PLEKHA1: variants seen among roughly 807,000 people sequenced by gnomAD.
The protein encoded by PLEKHA1 is pleckstrin homology domain containing A1.
PLEKHA1 carries 34 observed loss-of-function variants against 52.0 expected under a neutral mutation model. The observed-to-expected ratio is 0.65, with a 90% CI of 0.50 to 0.87. The LOEUF is 0.87. Among genes scored for constraint, PLEKHA1 ranks in the 40% least tolerant of loss-of-function variants. The pLI is 0.00. For synonymous variants in PLEKHA1, 163 were observed against 170.7 expected (o/e 0.95, Z 0.35); for missense variants, 497 against 504.2 (o/e 0.99, Z 0.14).
chr10:122,432,523 A>C (rs1417468024), downstream of PLEKHA1: 2 of 148,556 alleles, frequency 1.3e-5, no homozygotes, highest in African/African-American at 5.0e-5. Context: ...GCATCCCTGC[A>C]TGTGAAATTA....
At chr10:122,416,352 G>A (rs1351696230) in intron 7 of PLEKHA1, among the ~76,000 whole-genome samples, 1 of 152,096 alleles carries the variant, frequency 6.6e-6, no homozygotes, top group Non-Finnish European at 1.5e-5. Context: ...GCAGGCCAGC[G>A]GCAGGAGAAG....
At chr10:122,439,984 C>G in the PLEKHA1 span, 1 of 152,140 alleles carries the variant, frequency 6.6e-6, no homozygotes, top group East Asian at 1.9e-4. Flanking sequence ...GCACAATATA[C>G]AGAACTTATT....
chr10:122,399,214 C>T (rs560169049), intron 3 of PLEKHA1, among the ~76,000 whole-genome samples: 133 of 152,080 alleles, frequency 8.7e-4, no homozygotes, highest in Non-Finnish European at 1.7e-3. Flanking sequence ...TTGTGTGACT[C>T]AGAACTGTGA....
chr10:122,382,794 T>G (rs1341059994), intron 1 of PLEKHA1, among the ~76,000 whole-genome samples: 1 of 152,198 alleles, frequency 6.6e-6, no homozygotes, highest in Non-Finnish European at 1.5e-5. Flanking sequence ...TTTTCTTTTA[T>G]TTTAAATATA....
chr10:122,428,693 C>T (rs2097375724), intron 11 of PLEKHA1, among the ~76,000 whole-genome samples: 1 of 152,070 alleles, frequency 6.6e-6, no homozygotes, highest in South Asian at 2.1e-4. Flanking sequence ...CAAACTAATG[C>T]ATGCATATGC....
At chr10:122,404,678 A>T (rs2096981054) in intron 4 of PLEKHA1, among the ~76,000 whole-genome samples, 3 of 152,220 alleles carry the variant, frequency 2.0e-5, no homozygotes, top group African/African-American at 7.2e-5. Flanking sequence ...GGCAGTTATA[A>T]CTTTTCCAGT....
At chr10:122,439,706 A>C in the PLEKHA1 span, 59 of 151,514 alleles carry the variant, frequency 3.9e-4, no homozygotes, top group African/African-American at 1.4e-3. Context: ...GTGCCACTAC[A>C]CTCCAGCCTG....
At chr10:122,388,181 C>A (rs2096727146) in intron 1 of PLEKHA1, among the ~76,000 whole-genome samples, 1 of 152,182 alleles carries the variant, frequency 6.6e-6, no homozygotes, top group South Asian at 2.1e-4. Flanking sequence ...TCTCTTCAGC[C>A]TCTGGCAACC....
intron 2 of PLEKHA1, 61 bp from the exon 3 acceptor site, chr10:122,397,857 T>TA: frequency 7.9e-7 from 1 of 1,267,846 alleles, no homozygotes; most frequent in African/African-American, 1.5e-5. Flanking sequence ...TGTGGAACAT[T>TA]ATATTATAAA....
intron 8 of PLEKHA1, chr10:122,423,976 C>T: frequency 1.8e-6 from 1 of 549,222 alleles, no homozygotes; most frequent in Non-Finnish European, 3.0e-6. Flanking sequence ...TGAATAAGGG[C>T]CGTATGCAGT....
intron 1 of PLEKHA1, among the ~76,000 whole-genome samples, chr10:122,375,580 A>G (rs1050904959): frequency 1.3e-5 from 2 of 152,176 alleles, no homozygotes; most frequent in East Asian, 1.9e-4. Context: ...GATGCTTTCT[A>G]TTGACCTCCT....
chr10:122,414,964 C>T (rs1045707987), intron 6 of PLEKHA1, among the ~76,000 whole-genome samples: 3 of 151,552 alleles, frequency 2.0e-5, no homozygotes, highest in African/African-American at 7.3e-5. Context: ...AGGTGTTTAT[C>T]GTAGAGAAAG....
intron 8 of PLEKHA1, chr10:122,423,456 ACT>A (rs1335950314): frequency 1.3e-5 from 2 of 150,700 alleles, no homozygotes; most frequent in African/African-American, 4.9e-5. Context: ...AAACAACAAC[ACT>A]CTGTCATGGT....
chr10:122,381,523 T>C lies in PLEKHA1; in HGVS notation c.-21+6717T>C, dbSNP rs1283989752. On this transcript the variant is annotated intron_variant, in intron 1 of 11. Transcript: ENST00000368990. ...CTCTCTCTTCTCTCTTTCTTCCTCC[T>C]GCTCCTGCGATGTAAGAGGTAACTC... Among the ~76,000 whole-genome samples, 33 of 152,186 alleles carry C rather than the reference T, an allele frequency of 2.2e-4. 1 individual carries two copies. The highest frequency in any genetic ancestry group is 2.0e-3 in the Admixed American group (31 of 15,244).
rs2097373053 is a variant in PLEKHA1 at position 122,428,554 on chromosome 10, CAG to C, written c.901-1068_901-1067del. ...AAAATAAAACATACAACTTTACTAACAGAAAGAGACATTAACATATAAAAATT... is the reference window on the plus strand; with the variant it reads ...AAAATAAAACATACAACTTTACTAACAAAGAGACATTAACATATAAAAATT... On this transcript the variant is annotated intron_variant, in intron 11 of 11. Coordinates refer to ENST00000368990, the MANE Select transcript of PLEKHA1 (RefSeq NM_001001974.4). 21 of 786,850 alleles carry C rather than the reference CAG, an allele frequency of 2.7e-5. No homozygotes were observed. In the East Asian group the frequency reaches 4.2e-4, roughly 16 times the overall value. The allele number at this position is 786,850 out of a possible 1,614,324, so 48.7% of individuals were successfully genotyped here. A position where few individuals can be genotyped will look rare whatever the true frequency, so the allele number is the denominator to read the frequency against.
chr10:122,426,905 A>G (rs1333137883), intron 10 of PLEKHA1, 37 bp from the exon 11 acceptor site: 1 of 1,540,594 alleles, frequency 6.5e-7, no homozygotes, highest in South Asian at 1.1e-5. Flanking sequence ...GGTGATTTTG[A>G]GAAAAAATTG....
At chr10:122,382,812 C>T (rs1458514761) in intron 1 of PLEKHA1, among the ~76,000 whole-genome samples, 1 of 152,104 alleles carries the variant, frequency 6.6e-6, no homozygotes, top group Non-Finnish European at 1.5e-5. Flanking sequence ...ATAATCATAT[C>T]AACATATTTA....
In PLEKHA1 at chr10:122,393,262, A is replaced by T. The variant is rs2096800228; in HGVS notation, c.62A>T (p.Asn21Ile). 1 of 1,613,016 alleles carries T rather than the reference A, an allele frequency of 6.2e-7. No homozygotes were observed. The change falls in exon 2 of 12, where the codon AAC (asparagine) becomes ATC (isoleucine). Residue 21 changes from asparagine (N) to isoleucine (I), a missense_variant. Physicochemically the swap from Asn to Ile is moderately radical, Grantham distance 149 (BLOSUM62 -3). Transcript: ENST00000368990. The surrounding 1 kb of genome is among the most constrained non-coding windows in gnomAD (Gnocchi z 4.5). ...TTTCTAGACATTGAAGAAAATGAAAACAGTGGGAAATTTCTTCGAAGGTAC... is the reference window on the plus strand; with the variant it reads ...TTTCTAGACATTGAAGAAAATGAAATCAGTGGGAAATTTCTTCGAAGGTAC... ...CGFLDIEENE[N>I]SGKFLRRYFI...
chr10:122,379,339 A>T lies in PLEKHA1; in HGVS notation c.-21+4533A>T, dbSNP rs532084988. Among the ~76,000 whole-genome samples the T allele has an allele frequency of 5.9e-5, 9 of 152,338 alleles. No individual in the cohort carries two copies. In the East Asian group the frequency reaches 1.7e-3, roughly 29 times the overall value. ...GGAAACTCACTTCCTTGTGATGTCGAATAGTGGCATACAGACTACTTAAGT... is the reference window on the plus strand; with the variant it reads ...GGAAACTCACTTCCTTGTGATGTCGTATAGTGGCATACAGACTACTTAAGT... On this transcript the variant is annotated intron_variant, in intron 1 of 11. Transcript: ENST00000368990.
Sources: allele counts gnomAD v4.1 joint callset (sites outside exome capture counted in the v4.1 genomes callset), GRCh38; gene constraint gnomAD v4.1.1; non-coding constraint Gnocchi (gnomAD v3.1); transcripts MANE v1.5; gene names NCBI Gene and HGNC (gene_info 2026-07-23, HGNC 2026-07-21).